JMY: variants seen among roughly 807,000 people sequenced by gnomAD.
The protein encoded by JMY is junction mediating and regulatory protein, p53 cofactor.
Under a neutral mutation model 103.3 loss-of-function variants are expected in JMY, and 46 were observed. That is an observed-to-expected ratio of 0.45 (90% CI 0.35 to 0.57). The LOEUF (loss-of-function observed/expected upper bound fraction) is 0.57. Among genes scored for constraint, JMY ranks in the 20% least tolerant of loss-of-function variants. The pLI is 0.00. For synonymous variants in JMY, 526 were observed against 489.3 expected, an observed-to-expected ratio of 1.07 and a Z score of -0.99; for missense variants, 1,238 against 1,255.2, an observed-to-expected ratio of 0.99 and a Z score of 0.21.
intron 4 of JMY, among the ~76,000 whole-genome samples, chr5:79,295,317 A>G (rs1046790943): frequency 1.3e-5 from 2 of 152,230 alleles, no homozygotes; most frequent in African/African-American, 4.8e-5. Context: ...GCTTGTGGCT[A>G]CCTTACTGAA....
chr5:79,290,342 A>G (rs1289069537), intron 3 of JMY, 71 bp downstream of exon 3: 2 of 1,091,844 alleles, frequency 1.8e-6, no homozygotes, highest in East Asian at 5.3e-5. Flanking sequence ...ATGTTCAGAA[A>G]AATTACATAG....
At chr5:79,319,855 C>T (rs1297319807) in intron 10 of JMY, among the ~76,000 whole-genome samples, 1 of 152,122 alleles carries the variant, frequency 6.6e-6, no homozygotes, top group East Asian at 1.9e-4. Flanking sequence ...GCTGGGATTA[C>T]AGGTGTGAGC....
intron 1 of JMY, among the ~76,000 whole-genome samples, chr5:79,273,901 G>T (rs1349078876): frequency 1.3e-5 from 2 of 152,002 alleles, no homozygotes; most frequent in African/African-American, 4.8e-5. Context: ...CGCTATCTCG[G>T]CTCACTGCAA....
chr5:79,274,126 G>C (rs916083535), intron 1 of JMY, among the ~76,000 whole-genome samples: 4 of 112,408 alleles, frequency 3.6e-5, no homozygotes, highest in Non-Finnish European at 6.6e-5. Context: ...ACCACACCCA[G>C]CACTTTCTTT....
intron 3 of JMY, 33 bp downstream of exon 3, chr5:79,290,304 T>C: frequency 1.6e-6 from 2 of 1,264,998 alleles, no homozygotes; most frequent in Non-Finnish European, 2.1e-6. Flanking sequence ...CCTTTAGGTA[T>C]TTTTGAAAAT....
chr5:79,318,324 G>A (rs1356586475), intron 10 of JMY, among the ~76,000 whole-genome samples: 1 of 152,016 alleles, frequency 6.6e-6, no homozygotes, highest in Non-Finnish European at 1.5e-5. Flanking sequence ...CCAAAAAAAA[G>A]AATTCTGAGT....
At chr5:79,241,947 A>C (rs530167082) in intron 1 of JMY, among the ~76,000 whole-genome samples, 1 of 152,298 alleles carries the variant, frequency 6.6e-6, no homozygotes, top group African/African-American at 2.4e-5. Context: ...TTGGTGGCCC[A>C]TACTGCAGCT....
In JMY at chr5:79,324,044, C is replaced by A. The variant is rs766265309; in HGVS notation, c.*2442C>A. Reference sequence around the variant, plus strand: ...TGCCTTAAGGTGCAGGTTCCTACTTCTACAAAATTTCAAATGATTGCAGGT... The same window carrying A: ...TGCCTTAAGGTGCAGGTTCCTACTTATACAAAATTTCAAATGATTGCAGGT... On this transcript the variant is annotated 3_prime_UTR_variant, in exon 11 of 11. Transcript: ENST00000396137. The A allele has an allele frequency of 6.6e-6, 1 of 152,182 alleles. No individual in the cohort carries two copies. The highest frequency in any genetic ancestry group is 1.5e-5 in the Non-Finnish European group (1 of 68,036). The allele number at this position is 152,182 out of a possible 1,614,324, so 9.4% of individuals were successfully genotyped here. A position where few individuals can be genotyped will look rare whatever the true frequency, so the allele number is the denominator to read the frequency against.
chr5:79,241,936 G>T (rs1026719063), intron 1 of JMY, among the ~76,000 whole-genome samples: 1 of 152,098 alleles, frequency 6.6e-6, no homozygotes, highest in Non-Finnish European at 1.5e-5. Context: ...GTGTATGTGC[G>T]TTGGTGGCCC....
At chr5:79,240,717 A>G (rs1744712262) in intron 1 of JMY, among the ~76,000 whole-genome samples, 2 of 152,092 alleles carry the variant, frequency 1.3e-5, no homozygotes, top group Non-Finnish European at 2.9e-5. Context: ...TGGGGGAGGG[A>G]GGGAAGTGTG....
intron 10 of JMY, among the ~76,000 whole-genome samples, chr5:79,317,963 C>T (rs897509818): frequency 2.6e-5 from 4 of 152,158 alleles, no homozygotes; most frequent in Non-Finnish European, 5.9e-5. Context: ...TAAAAATGGA[C>T]ATTCTGTCCT....
At position 79,270,048 on chromosome 5, in the gene JMY, T is replaced by G. The variant is rs1383188304; in HGVS notation, c.1033-7862T>G. The stretch of plus-strand genomic sequence containing the variant: ...CACCTGGCCTGGAGGAGTGTGTGGG[T>G]GTGTGTACGTGAGTTCATTTTCTAC... On this transcript the variant is annotated intron_variant, in intron 1 of 10. Transcript: ENST00000396137. Among the ~76,000 whole-genome samples, 4 of 152,098 alleles carry G rather than the reference T, an allele frequency of 2.6e-5. No individual in the cohort carries two copies. The East Asian group carries it at 7.7e-4, about 29-fold the overall frequency.
intron 1 of JMY, among the ~76,000 whole-genome samples, chr5:79,252,252 A>ATGTATT (rs1745109697): frequency 6.7e-6 from 1 of 150,260 alleles, no homozygotes; most frequent in African/African-American, 2.5e-5. Flanking sequence ...TTTAATTTCC[A>ATGTATT]TGTATTTGTA....
intron 1 of JMY, among the ~76,000 whole-genome samples, chr5:79,244,519 A>C (rs912175799): frequency 6.6e-6 from 1 of 152,160 alleles, no homozygotes; most frequent in Non-Finnish European, 1.5e-5. Context: ...CTCACATGTA[A>C]TTTTAATCGA....
rs1195783092 is a variant in JMY, at chr5:79,322,498, T to C, written c.*896T>C. On this transcript the variant is annotated 3_prime_UTR_variant, in exon 11 of 11. Transcript: ENST00000396137. Reference sequence around the variant, plus strand: ...CAATCATAGGGATGCAGATCTTAACTCTTTTCACAAATTACCATTTTAAGT... The same window carrying C: ...CAATCATAGGGATGCAGATCTTAACCCTTTTCACAAATTACCATTTTAAGT... 6.6e-6 allele frequency: 1 copy of C among 152,234 alleles called. No individual in the cohort carries two copies. The highest frequency in any genetic ancestry group is 2.4e-5 in the African/African-American group (1 of 41,458). 9.4% of individuals were successfully genotyped at this position (152,234 alleles called of 1,614,324 possible).
rs561489004 is a variant in JMY, at chr5:79,314,111, G to A, written c.2065-146G>A. ...TGATCTCAGGTGATCCACCCGCCTCGGCCTCCCAAAGTGCTGGGATTACAG... is the reference window on the plus strand; with the variant it reads ...TGATCTCAGGTGATCCACCCGCCTCAGCCTCCCAAAGTGCTGGGATTACAG... On this transcript the variant is annotated intron_variant, in intron 8 of 10. Coordinates refer to ENST00000396137, the MANE Select transcript of JMY (RefSeq NM_152405.5). 1.8e-5 allele frequency: 23 copies of A among 1,299,990 alleles called. No individual in the cohort carries two copies. The African/African-American group carries it at 1.8e-4, about 10-fold the overall frequency. The allele number at this position is 1,299,990 out of a possible 1,614,324, so 80.5% of individuals were successfully genotyped here. A position where few individuals can be genotyped will look rare whatever the true frequency, so the allele number is the denominator to read the frequency against.
intron 4 of JMY, among the ~76,000 whole-genome samples, chr5:79,297,725 T>A (rs889833837): frequency 2.6e-5 from 4 of 152,326 alleles, no homozygotes; most frequent in Middle Eastern, 3.4e-3. Context: ...GTTTGTCCTT[T>A]CAGAGGTTGG....
chr5:79,283,290 T>A (rs1746176420), intron 2 of JMY, among the ~76,000 whole-genome samples: 1 of 151,992 alleles, frequency 6.6e-6, no homozygotes, highest in African/African-American at 2.4e-5. Context: ...CACCCAGCCG[T>A]CAACAGAGAG....
At chr5:79,270,380 T>C (rs938594008) in intron 1 of JMY, among the ~76,000 whole-genome samples, 5 of 135,704 alleles carry the variant, frequency 3.7e-5, no homozygotes. Context: ...TTTACATAAA[T>C]ATTTACATAA....
Sources: allele counts gnomAD v4.1 joint callset (sites outside exome capture counted in the v4.1 genomes callset), GRCh38; gene constraint gnomAD v4.1.1; transcripts MANE v1.5; gene names NCBI Gene and HGNC (gene_info 2026-07-23, HGNC 2026-07-21).